EFCAB5: variants seen among roughly 807,000 people sequenced by gnomAD.
The protein encoded by EFCAB5 is EF-hand calcium binding domain 5.
EFCAB5 carries 131 observed loss-of-function variants against 167.9 expected under a neutral mutation model. That is an observed-to-expected ratio of 0.78 (90% CI 0.68 to 0.90). EFCAB5 has a LOEUF of 0.90. Ranked by LOEUF, EFCAB5 falls within the 40% of genes least tolerant of loss-of-function variation. EFCAB5 has a pLI of 0.00. For synonymous variants in EFCAB5, 574 were observed against 602.8 expected, an observed-to-expected ratio of 0.95 and a Z score of 0.70; for missense variants, 1,663 against 1,745.2, an observed-to-expected ratio of 0.95 and a Z score of 0.84.
At chr17:29,991,741 G>A (rs574918315) in intron 4 of EFCAB5, among the ~76,000 whole-genome samples, 10 of 152,122 alleles carry the variant, frequency 6.6e-5, no homozygotes, top group Non-Finnish European at 2.9e-5. Context: ...CCAGATTTGG[G>A]GGGCCTGTTC....
chr17:29,991,936 T>C (rs1306372510), intron 4 of EFCAB5, among the ~76,000 whole-genome samples: 1 of 152,164 alleles, frequency 6.6e-6, no homozygotes, highest in Admixed American at 6.5e-5. Context: ...ATTTGCAGGG[T>C]CAAAGTGATG....
At chr17:30,026,512 TA>T (rs1483992198) in intron 7 of EFCAB5, among the ~76,000 whole-genome samples, 4 of 152,196 alleles carry the variant, frequency 2.6e-5, no homozygotes, top group Non-Finnish European at 4.4e-5. Context: ...AAAACCACTA[TA>T]AAAGTATATT....
At chr17:30,042,123 C>T (rs1326064304) in intron 8 of EFCAB5, among the ~76,000 whole-genome samples, 1 of 152,038 alleles carries the variant, frequency 6.6e-6, no homozygotes, top group Non-Finnish European at 1.5e-5. Flanking sequence ...ATTCTCCTGC[C>T]TTTGCCTCTG....
chr17:30,060,201 A>G (rs2070387582), intron 14 of EFCAB5, among the ~76,000 whole-genome samples: 1 of 151,898 alleles, frequency 6.6e-6, no homozygotes, highest in Admixed American at 6.6e-5. Flanking sequence ...CCTAAAACTT[A>G]AAGTATAATA....
intron 14 of EFCAB5, among the ~76,000 whole-genome samples, chr17:30,072,172 T>C (rs1490565160): frequency 6.6e-6 from 1 of 152,186 alleles, no homozygotes; most frequent in Non-Finnish European, 1.5e-5. Context: ...CACAAAGAAG[T>C]GATAAATGTT....
intron 7 of EFCAB5, among the ~76,000 whole-genome samples, chr17:30,024,765 G>A (rs979300804): frequency 6.6e-6 from 1 of 152,106 alleles, no homozygotes; most frequent in African/African-American, 2.4e-5. Context: ...GAGGCATCAT[G>A]CTACCTGACT....
At chr17:30,106,215 A>G (rs1439175567) in intron 22 of EFCAB5, among the ~76,000 whole-genome samples, 3 of 151,966 alleles carry the variant, frequency 2.0e-5, no homozygotes, top group Non-Finnish European at 4.4e-5. Context: ...GCTTGAGGCC[A>G]GAAGTTCAAG....
chr17:29,957,421 C>A (rs1357332139), intron 3 of EFCAB5, among the ~76,000 whole-genome samples: 1 of 152,072 alleles, frequency 6.6e-6, no homozygotes. Context: ...ACCTATCAAA[C>A]CATCACCTAG....
intron 4 of EFCAB5, among the ~76,000 whole-genome samples, chr17:29,984,813 T>C (rs2068247590): frequency 6.6e-6 from 1 of 152,226 alleles, no homozygotes; most frequent in South Asian, 2.1e-4. Context: ...CTTGTCTGCT[T>C]TTATTTTCAA....
At chr17:29,956,678 C>T (rs1424644707) in intron 3 of EFCAB5, among the ~76,000 whole-genome samples, 1 of 152,154 alleles carries the variant, frequency 6.6e-6, no homozygotes, top group African/African-American at 2.4e-5. Flanking sequence ...ACTAATGCCA[C>T]ACAACATGAC....
intron 3 of EFCAB5, among the ~76,000 whole-genome samples, chr17:29,961,243 A>G (rs2067714455): frequency 6.6e-6 from 1 of 152,118 alleles, no homozygotes; most frequent in Non-Finnish European, 1.5e-5. Context: ...GTACTTATTG[A>G]CCATTTGTAT....
At chr17:29,976,708 G>A (rs1403038241) in intron 4 of EFCAB5, among the ~76,000 whole-genome samples, 1 of 152,110 alleles carries the variant, frequency 6.6e-6, no homozygotes, top group Admixed American at 6.5e-5. Flanking sequence ...AAGAAAAAAA[G>A]TCAAAAGAAA....
upstream of EFCAB5, among the ~76,000 whole-genome samples, chr17:29,941,199 G>T (rs2067293635): frequency 6.6e-6 from 1 of 152,048 alleles, no homozygotes; most frequent in South Asian, 2.1e-4. Flanking sequence ...ACTCTTAAAT[G>T]ATTTTTGGCA....
chr17:30,021,881 TACAC>T (rs2069187808), intron 7 of EFCAB5, among the ~76,000 whole-genome samples: 1 of 152,140 alleles, frequency 6.6e-6, no homozygotes, highest in South Asian at 2.1e-4. Flanking sequence ...GTAGAGATGT[TACAC>T]ACAGGTGCCG....
At chr17:29,999,837 C>A in intron 6 of EFCAB5, 69 bp from the exon 7 acceptor site, 2 of 1,127,044 alleles carry the variant, frequency 1.8e-6, no homozygotes, top group South Asian at 1.6e-5. Context: ...TTTTAAAGCA[C>A]TATAGTATAA....
chr17:30,087,722 T>C (rs1221059486), intron 19 of EFCAB5, among the ~76,000 whole-genome samples: 1 of 152,340 alleles, frequency 6.6e-6, no homozygotes, highest in Admixed American at 6.5e-5. Flanking sequence ...ATTCCATGTC[T>C]TTGCTACTGT....
chr17:30,029,841 G>C (rs2069431777), intron 7 of EFCAB5, among the ~76,000 whole-genome samples: 1 of 152,062 alleles, frequency 6.6e-6, no homozygotes, highest in African/African-American at 2.4e-5. Context: ...AATTAAATAA[G>C]TATGAATCCC....
chr17:30,053,395 C>G lies in EFCAB5; in HGVS notation c.1441C>G (p.Gln481Glu), dbSNP rs116666354. ...LLSANHASKT[Q>E]SKLLESPDQP... is the part of the protein sequence containing the mutation. ...TTCTGCAAATCATGCTAGCAAAACCCAAAGTAAATTATTAGAAAGTCCAGA... is the reference window on the plus strand; with the variant it reads ...TTCTGCAAATCATGCTAGCAAAACCGAAAGTAAATTATTAGAAAGTCCAGA... Residue 481 changes from glutamine (Q) to glutamate (E), a missense_variant, in exon 10 of 23, where the codon CAA (glutamine) becomes GAA (glutamate). Transcript: ENST00000394835. 1.8e-3 allele frequency: 2,903 copies of G among 1,613,780 alleles called. 29 individuals carry two copies. The African/African-American group carries it at 0.022, about 12-fold the overall frequency.
intron 3 of EFCAB5, among the ~76,000 whole-genome samples, chr17:29,944,693 G>A (rs1339263310): frequency 1.3e-5 from 2 of 148,382 alleles, no homozygotes; most frequent in Non-Finnish European, 3.0e-5. Context: ...GTGCAATCTC[G>A]GCTCACTGCA....
Sources: allele counts gnomAD v4.1 joint callset (sites outside exome capture counted in the v4.1 genomes callset), GRCh38; gene constraint gnomAD v4.1.1; transcripts MANE v1.5; gene names NCBI Gene and HGNC (gene_info 2026-07-23, HGNC 2026-07-21).